The following UBL7 variants were observed in gnomAD, a reference collection of about 807,000 sequenced individuals.
The protein encoded by UBL7 is ubiquitin like 7.
UBL7 carries 21 observed loss-of-function variants against 41.7 expected under a neutral mutation model. The observed-to-expected ratio is 0.50, with a 90% confidence interval of 0.36 to 0.73. The LOEUF (loss-of-function observed/expected upper bound fraction) is 0.73, where lower values mean the gene tolerates loss of function less well. Among genes scored for constraint, UBL7 ranks in the 30% least tolerant of loss-of-function variants. UBL7 has a pLI of 0.00. For synonymous variants in UBL7, 157 were observed against 186.9 expected, an observed-to-expected ratio of 0.84 and a Z score of 1.31; for missense variants, 403 against 478.4, an observed-to-expected ratio of 0.84 and a Z score of 1.47.
At chr15:74,460,736 T>G (rs2061341021) in intron 1 of UBL7, 1 of 1,288,614 alleles carries the variant, frequency 7.8e-7, no homozygotes, top group Admixed American at 2.3e-5. Flanking sequence ...CAAAGCAAGA[T>G]AAGTTCTTGT....
chr15:74,452,293 C>T lies in UBL7; in HGVS notation c.387+3G>A, dbSNP rs1267032670. On this transcript the variant is annotated splice_donor_region_variant and intron_variant, in intron 4 of 10. Coordinates refer to ENST00000395081, the MANE Select transcript of UBL7 (RefSeq NM_032907.5). ...CTGGCTGGGGGCCGCAGCACACACTCACCGCCTCCCTGTAAGAGGAGCTGC... is the reference window on the plus strand; with the variant it reads ...CTGGCTGGGGGCCGCAGCACACACTTACCGCCTCCCTGTAAGAGGAGCTGC... The T allele has an allele frequency of 1.3e-6, 2 of 1,554,734 alleles. No homozygotes were observed. The highest frequency in any genetic ancestry group is 2.4e-5 in the East Asian group (1 of 41,426).
rs542439257 is a variant in UBL7, at chr15:74,451,841, C to T, written c.388-321G>A. Among the ~76,000 whole-genome samples, 4 of 152,196 alleles carry T rather than the reference C, an allele frequency of 2.6e-5. No individual in the cohort carries two copies. In the East Asian group the frequency reaches 7.7e-4, roughly 29 times the overall value. On this transcript the variant is annotated intron_variant, in intron 4 of 10. Coordinates refer to ENST00000395081, the MANE Select transcript of UBL7 (RefSeq NM_032907.5). ...CGGTAACAAAGGTTTCTCTAGGTTC[C>T]AATCCAAAAGTCCTTTTCAATCTCT...
chr15:74,448,395 G>A, intron 10 of UBL7, 83 bp downstream of exon 10: 1 of 1,583,958 alleles, frequency 6.3e-7, no homozygotes, highest in Non-Finnish European at 8.6e-7. Flanking sequence ...CAGGTGTGAA[G>A]GACCGCCAGA....
At position 74,449,683 on chromosome 15, in the gene UBL7, A is replaced by G; in HGVS notation, c.665-8T>C. ...CTTCAAACAGGAAGCCACCTGGAGG[A>G]GGACGAACAGATTTCAGGAGGAAGA... On this transcript the variant is annotated splice_region_variant and splice_polypyrimidine_tract_variant and intron_variant, in intron 7 of 10. Transcript: ENST00000395081. 2 of 1,614,170 alleles carry G rather than the reference A, an allele frequency of 1.2e-6. No homozygotes were observed. The highest frequency in any genetic ancestry group is 1.7e-6 in the Non-Finnish European group (2 of 1,180,034).
rs915797952 is a variant in UBL7, at chr15:74,446,364, C to T, written c.1006-137G>A. ...TGCTGATGCTGAGTTCCACAGAACACGGTGCTTCTAGGAAGACTAAAAGAT... is the reference window on the plus strand; with the variant it reads ...TGCTGATGCTGAGTTCCACAGAACATGGTGCTTCTAGGAAGACTAAAAGAT... On this transcript the variant is annotated intron_variant, in intron 10 of 10. Transcript: ENST00000395081. The surrounding 1 kb of genome is among the most constrained non-coding windows in gnomAD (Gnocchi z 4.1). 32 of 1,114,794 alleles carry T rather than the reference C, an allele frequency of 2.9e-5. 1 individual carries two copies. The highest frequency in any genetic ancestry group is 2.1e-4 in the Middle Eastern group (1 of 4,670). 69.1% of individuals were successfully genotyped at this position (1,114,794 alleles called of 1,614,324 possible).
chr15:74,458,648 A>G, intron 2 of UBL7, 36 bp downstream of exon 2: 1 of 1,575,032 alleles, frequency 6.3e-7, no homozygotes, highest in Non-Finnish European at 8.7e-7. Context: ...AAAAGAGATC[A>G]GAGCAGCAGC....
intron 6 of UBL7, among the ~76,000 whole-genome samples, chr15:74,450,521 A>G (rs548858682): frequency 6.6e-6 from 1 of 152,288 alleles, no homozygotes; most frequent in Non-Finnish European, 1.5e-5. Flanking sequence ...TCCTTTTGCC[A>G]GCTTAAAATC....
At chr15:74,452,492 C>G (rs1489256075) in intron 3 of UBL7, 114 bp from the exon 4 acceptor site, 4 of 980,100 alleles carry the variant, frequency 4.1e-6, no homozygotes, top group African/African-American at 1.6e-5. Context: ...GCATTCCCTT[C>G]CCTCATCACC....
Position 74,446,332 on chromosome 15 carries a change from G to C in UBL7, c.1006-105C>G. The C allele has an allele frequency of 6.9e-7, 1 of 1,451,018 alleles. No homozygotes were observed. Among genetic ancestry groups the C allele is most frequent in the Non-Finnish European group, 9.3e-7 (1 of 1,070,340 alleles). The allele number at this position is 1,451,018 out of a possible 1,614,324, so 89.9% of individuals were successfully genotyped here. A position where few individuals can be genotyped will look rare whatever the true frequency, so the allele number is the denominator to read the frequency against. ...GGAAAGGAAGATGGGGGAGTCCTCA[G>C]CAAAGCTGCTGATGCTGAGTTCCAC... is the stretch of plus-strand genomic sequence containing the variant. On this transcript the variant is annotated intron_variant, in intron 10 of 10. Coordinates refer to ENST00000395081, the MANE Select transcript of UBL7 (RefSeq NM_032907.5). This position sits in a 1 kb window ranked among gnomAD's most constrained non-coding sequence, Gnocchi z 4.1.
chr15:74,461,009 C>T (rs2061344059), intron 1 of UBL7, 28 bp downstream of exon 1: 4 of 1,094,690 alleles, frequency 3.7e-6, no homozygotes. Flanking sequence ...AGTAATGGGG[C>T]AGGAACACTA....
chr15:74,459,013 GCGTACCATCAGGAGGCCAGAA>G lies in UBL7; in HGVS notation c.-29-138_-29-118del, dbSNP rs2061321257. The G allele has an allele frequency of 6.2e-6, 6 of 969,490 alleles. No individual in the cohort carries two copies. In the African/African-American group the frequency reaches 6.5e-5, roughly 11 times the overall value. The allele number at this position is 969,490 out of a possible 1,614,324, so 60.1% of individuals were successfully genotyped here. A position where few individuals can be genotyped will look rare whatever the true frequency, so the allele number is the denominator to read the frequency against. The stretch of plus-strand genomic sequence containing the variant: ...TGTGACACTGTTGAAGAGGCATAGG[GCGTACCATCAGGAGGCCAGAA>G]CTAGAATCTGGGGTTCTCTCTCTAC... On this transcript the variant is annotated intron_variant, in intron 1 of 10. Coordinates refer to ENST00000395081, the MANE Select transcript of UBL7 (RefSeq NM_032907.5).
intron 3 of UBL7, among the ~76,000 whole-genome samples, chr15:74,455,687 C>T (rs1468244950): frequency 6.6e-6 from 1 of 152,108 alleles, no homozygotes; most frequent in South Asian, 2.1e-4. Flanking sequence ...CATTAGGAAA[C>T]AGTGGATGAC....
At chr15:74,460,726 C>A (rs1291210497) in intron 1 of UBL7, 27 of 1,289,134 alleles carry the variant, frequency 2.1e-5, no homozygotes, top group Non-Finnish European at 2.7e-5. Flanking sequence ...AAGAATCTTG[C>A]AAAGCAAGAT....
Position 74,450,661 on chromosome 15 carries a change from T to C in UBL7, c.530+141A>G, listed in dbSNP as rs1647843744. 8.7e-6 allele frequency: 7 copies of C among 808,948 alleles called. No individual in the cohort carries two copies. In the Admixed American group the frequency reaches 1.7e-4, roughly 20 times the overall value. The allele number at this position is 808,948 out of a possible 1,614,324, so 50.1% of individuals were successfully genotyped here. A position where few individuals can be genotyped will look rare whatever the true frequency, so the allele number is the denominator to read the frequency against. ...CCCTGCTCTTGGGCTTTGCTCTTTC[T>C]CACCCCCTGACGTATCTAAGGGGTA... On this transcript the variant is annotated intron_variant, in intron 6 of 10. Transcript: ENST00000395081.
chr15:74,459,932 CAAAAAAAAAAA>C (rs55846825), intron 1 of UBL7, among the ~76,000 whole-genome samples: 24 of 18,268 alleles, frequency 1.3e-3, no homozygotes, highest in Non-Finnish European at 2.0e-3. Flanking sequence ...GACTCTGTCG[CAAAAAAAAAAA>C]AAAAAAAAAA....
intron 1 of UBL7, among the ~76,000 whole-genome samples, chr15:74,459,510 G>T (rs2061327586): frequency 6.6e-6 from 1 of 150,742 alleles, no homozygotes; most frequent in East Asian, 2.0e-4. Flanking sequence ...GTAGAGACGG[G>T]GTTTCACTGT....
At chr15:74,452,171 A>G (rs970413858) in intron 4 of UBL7, 125 bp downstream of exon 4, 2 of 1,022,612 alleles carry the variant, frequency 2.0e-6, no homozygotes, top group African/African-American at 1.6e-5. Context: ...AGACATGGCA[A>G]AAACTCCCCA....
chr15:74,459,120 A>C, intron 1 of UBL7: 4 of 469,530 alleles, frequency 8.5e-6, no homozygotes, highest in Non-Finnish European at 7.7e-6. Flanking sequence ...TGGACATAAA[A>C]ACGCCATCCA....
Position 74,451,428 on chromosome 15 carries a change from G to A in UBL7, c.472+8C>T, listed in dbSNP as rs897045432. ...CTCCTATTTCCTCAAATTCAGTCCT[G>A]CACTTACCAAGAGCAATAGGGTCAC... On this transcript the variant is annotated splice_region_variant and intron_variant, in intron 5 of 10. Transcript: ENST00000395081. 5.6e-6 allele frequency: 9 copies of A among 1,613,114 alleles called. No individual in the cohort carries two copies. The highest frequency in any genetic ancestry group is 2.2e-5 in the East Asian group (1 of 44,876).
Sources: gnomAD v4.1 joint callset for allele counts (sites outside exome capture counted in the v4.1 genomes callset) on GRCh38, gnomAD v4.1.1 for gene constraint, Gnocchi (gnomAD v3.1) non-coding constraint, MANE v1.5 for transcripts, NCBI Gene and HGNC (gene_info 2026-07-23, HGNC 2026-07-21) for gene names.